AP2A1: variants seen among roughly 807,000 people sequenced by gnomAD.
AP2A1 encodes adaptor related protein complex 2 subunit alpha 1, also known as AP-2 complex subunit alpha-1.
In AP2A1, 21 loss-of-function variants were observed where a neutral mutation model predicts 107.3. That is an observed-to-expected ratio of 0.20 (90% CI 0.14 to 0.28). The LOEUF (loss-of-function observed/expected upper bound fraction) is 0.28. Ranked by LOEUF, AP2A1 falls within the 10% of genes least tolerant of loss-of-function variation. AP2A1 has a pLI of 1.00. For missense variants in AP2A1, 873 were observed against 1,307.7 expected (o/e 0.67, Z 5.13); for synonymous variants, 602 against 564.8 (o/e 1.07, Z -0.93).
At chr19:49,802,612 C>A in intron 15 of AP2A1, 2 of 1,449,182 alleles carry the variant, frequency 1.4e-6, no homozygotes, top group Non-Finnish European at 1.9e-6. Flanking sequence ...AAGGGGTGGC[C>A]TGGGGTGGGA....
At chr19:49,786,746 C>T (rs764617806) in intron 4 of AP2A1, among the ~76,000 whole-genome samples, 1 of 152,202 alleles carries the variant, frequency 6.6e-6, no homozygotes, top group Non-Finnish European at 1.5e-5. Flanking sequence ...TCAGCATCAG[C>T]TTGGGGGAGA....
chr19:49,799,191 A>G, intron 8 of AP2A1, 136 bp from the exon 9 acceptor site: 1 of 1,185,968 alleles, frequency 8.4e-7, no homozygotes, highest in African/African-American at 1.5e-5. Flanking sequence ...CTGGAGGTGC[A>G]GTACTGCGAT....
chr19:49,791,805 C>A, intron 4 of AP2A1, 130 bp from the exon 5 acceptor site: 3 of 1,230,310 alleles, frequency 2.4e-6, no homozygotes, highest in Non-Finnish European at 3.4e-6. Flanking sequence ...CTGGATCCTG[C>A]GGCCGCCTGG....
chr19:49,805,896 C>T lies in AP2A1; in HGVS notation c.2610C>T (p.Ile870=), dbSNP rs2073369766. 1 of 1,613,870 alleles carries T rather than the reference C, an allele frequency of 6.2e-7. No homozygotes were observed. The highest frequency in any genetic ancestry group is 8.5e-7 in the Non-Finnish European group (1 of 1,179,890). ...LSLPQQEAQK[I]FKANHPMDAE... is the part of the protein sequence containing the mutation. ...GCCCTCAACAGGAGGCGCAGAAAAT[C>T]TTCAAAGCCAACCACCCCATGGACG... Residue 870 remains isoleucine, a synonymous_variant, in exon 21 of 23, where the codon ATC becomes ATT. Coordinates refer to ENST00000354293, the MANE Select transcript of AP2A1 (RefSeq NM_130787.3).
At chr19:49,768,968 T>C (rs2084530666) in intron 1 of AP2A1, among the ~76,000 whole-genome samples, 1 of 152,156 alleles carries the variant, frequency 6.6e-6, no homozygotes, top group South Asian at 2.1e-4. Flanking sequence ...TTCCTGTTCT[T>C]GCTGGTCATG....
chr19:49,784,484 C>A (rs1314079435), intron 4 of AP2A1, among the ~76,000 whole-genome samples: 1 of 150,958 alleles, frequency 6.6e-6, no homozygotes, highest in Admixed American at 6.6e-5. Context: ...TGGAATTATA[C>A]AGAATGTAAA....
In AP2A1 at chr19:49,799,335, A is replaced by G. The variant is rs771231346; in HGVS notation, c.974A>G (p.Asn325Ser). 27 of 1,610,082 alleles carry G rather than the reference A, an allele frequency of 1.7e-5. No homozygotes were observed. The highest frequency in any genetic ancestry group is 3.3e-4 in the Middle Eastern group (2 of 6,082). ...SLIIHYDSEP[N>S]LLVRACNQLG... The stretch of plus-strand genomic sequence containing the variant: ...GTGGCCCCTGCTGGCAGTGAGCCCA[A>G]CCTCCTGGTTCGGGCCTGCAACCAG... The change falls in exon 9 of 23, where the codon AAC (asparagine) becomes AGC (serine). Residue 325 changes from asparagine to serine, a missense_variant. Transcript: ENST00000354293.
At chr19:49,773,379 C>T (rs968607456) in intron 1 of AP2A1, among the ~76,000 whole-genome samples, 1 of 152,226 alleles carries the variant, frequency 6.6e-6, no homozygotes, top group Non-Finnish European at 1.5e-5. Context: ...GCACATCCCA[C>T]TCCAAATGGT....
rs1411755382 is a variant in AP2A1 at position 49,806,212 on chromosome 19, G to A, written c.2749G>A (p.Val917Met). ...AGIIQTKALQ[V>M]GCLLRLEPNA... ...GATCATCCAGACTAAAGCCCTGCAG[G>A]TGGGCTGTCTGCTTCGGCTGGAGCC... Residue 917 changes from valine to methionine, a missense_variant, in exon 22 of 23, where the codon GTG becomes ATG. Val to Met is a conservative substitution (Grantham distance 21). Coordinates refer to ENST00000354293, the MANE Select transcript of AP2A1 (RefSeq NM_130787.3). The A allele has an allele frequency of 6.2e-7, 1 of 1,606,202 alleles. No individual in the cohort carries two copies. Among genetic ancestry groups the A allele is most frequent in the Non-Finnish European group, 8.5e-7 (1 of 1,176,732 alleles).
Position 49,799,456 on chromosome 19 carries a change from C to A in AP2A1, c.1095C>A (p.Ala365=). The change falls in exon 9 of 23, where the codon GCC becomes GCA. Residue 365 remains alanine (A), a synonymous_variant. Coordinates refer to ENST00000354293, the MANE Select transcript of AP2A1 (RefSeq NM_130787.3). ...CCAGCTCCGAGTTCTCCCATGAAGC[C>A]GTCAAGACGCACATTGACACCGTCA... ...TLASSEFSHE[A]VKTHIDTVIN... 1 of 1,611,694 alleles carries A rather than the reference C, an allele frequency of 6.2e-7. No individual in the cohort carries two copies. Among genetic ancestry groups the A allele is most frequent in the Non-Finnish European group, 8.5e-7 (1 of 1,179,356 alleles).
intron 1 of AP2A1, among the ~76,000 whole-genome samples, chr19:49,774,312 G>A (rs987747127): frequency 2.0e-5 from 3 of 152,120 alleles, no homozygotes; most frequent in Non-Finnish European, 2.9e-5. Context: ...CTGGTGTTCC[G>A]ATCCAGGAGG....
Position 49,801,834 on chromosome 19 carries a change from G to C in AP2A1, c.1898G>C (p.Arg633Thr), listed in dbSNP as rs201008646. The C allele has an allele frequency of 9.9e-6, 15 of 1,521,908 alleles. No homozygotes were observed. The allele number at this position is 1,521,908 out of a possible 1,614,324, so 94.3% of individuals were successfully genotyped here. Reference sequence around the variant, plus strand: ...GGCAGCGCCCTGGACGATGGCCGGAGGGACCCCAGCAGCAACGACATCAAC... The same window carrying C: ...GGCAGCGCCCTGGACGATGGCCGGACGGACCCCAGCAGCAACGACATCAAC... ...GAGSALDDGR[R>T]DPSSNDINGG... is the part of the protein sequence containing the mutation. The change falls in exon 14 of 23, where the codon AGG (arginine) becomes ACG (threonine). Residue 633 changes from arginine to threonine, a missense_variant. Coordinates refer to ENST00000354293, the MANE Select transcript of AP2A1 (RefSeq NM_130787.3).
intron 11 of AP2A1, 76 bp downstream of exon 11, chr19:49,800,226 C>T (rs930381743): frequency 3.5e-5 from 51 of 1,475,552 alleles, no homozygotes; most frequent in Admixed American, 2.7e-4. Context: ...GGGGCCGTGG[C>T]GCCTGCCAGC....
chr19:49,780,673 A>T (rs2084664983), intron 1 of AP2A1, among the ~76,000 whole-genome samples: 1 of 152,108 alleles, frequency 6.6e-6, no homozygotes, highest in Non-Finnish European at 1.5e-5. Context: ...ATCTGGATGA[A>T]GTGGTCATCG....
At chr19:49,806,443 C>T in intron 22 of AP2A1, 190 bp downstream of exon 22, 2 of 1,435,450 alleles carry the variant, frequency 1.4e-6, no homozygotes, top group Non-Finnish European at 9.1e-7. Flanking sequence ...TGGTGTTCCT[C>T]TCCTCTTCCT....
chr19:49,776,097 C>T (rs529433740), intron 1 of AP2A1, among the ~76,000 whole-genome samples: 178 of 152,190 alleles, frequency 1.2e-3, no homozygotes, highest in African/African-American at 3.7e-3. Context: ...AGCCACTGGA[C>T]GGAGCACGGC....
chr19:49,780,816 C>T (rs933366912), intron 1 of AP2A1, among the ~76,000 whole-genome samples: 1 of 152,138 alleles, frequency 6.6e-6, no homozygotes, highest in Non-Finnish European at 1.5e-5. Flanking sequence ...TTTAAGGTCA[C>T]AGTGAGCTAT....
intron 1 of AP2A1, 141 bp from the exon 2 acceptor site, chr19:49,781,616 G>T: frequency 1.2e-6 from 1 of 829,292 alleles, no homozygotes; most frequent in Non-Finnish European, 1.9e-6. Context: ...CAGAGAAGGG[G>T]TCCTGGCCTG....
In AP2A1 at chr19:49,806,184, G is replaced by A. The variant is rs771697349; in HGVS notation, c.2721G>A (p.Ala907=). 2.8e-5 allele frequency: 44 copies of A among 1,596,268 alleles called. No individual in the cohort carries two copies. Among genetic ancestry groups the A allele is most frequent in the Non-Finnish European group, 3.2e-5 (38 of 1,171,896 alleles). The part of the protein sequence containing the change: ...VDPNPENFVG[A]GIIQTKALQV... ...CCAACCCTGAGAACTTCGTGGGGGC[G>A]GGGATCATCCAGACTAAAGCCCTGC... The change falls in exon 22 of 23, where the codon GCG becomes GCA. Residue 907 remains alanine, a synonymous_variant. Transcript: ENST00000354293.
Sources: gnomAD v4.1 joint callset for allele counts (sites outside exome capture counted in the v4.1 genomes callset) on GRCh38, gnomAD v4.1.1 for gene constraint, MANE v1.5 for transcripts, NCBI Gene and HGNC (gene_info 2026-07-23, HGNC 2026-07-21) for gene names.